Variants in RCAN1 observed in about 807,000 individuals in gnomAD.
RCAN1 encodes regulator of calcineurin 1, also known as calcipressin-1.
Under a neutral mutation model 22.9 loss-of-function variants are expected in RCAN1, and 11 were observed. That is an observed-to-expected ratio of 0.48 (90% CI 0.30 to 0.79). The LOEUF is 0.79. Among genes scored for constraint, RCAN1 ranks in the 30% least tolerant of loss-of-function variants. The pLI is 0.06. For synonymous variants in RCAN1, 136 were observed against 142.3 expected, an observed-to-expected ratio of 0.96 and a Z score of 0.32; for missense variants, 291 against 337.8, an observed-to-expected ratio of 0.86 and a Z score of 1.09.
Position 34,520,010 on chromosome 21 carries a change from T to A in RCAN1, c.586+1489A>T, listed in dbSNP as rs189453180. On this transcript the variant is annotated intron_variant, in intron 3 of 3. Coordinates refer to ENST00000313806, the MANE Select transcript of RCAN1 (RefSeq NM_004414.7). ...GTTAAGAGCCTCTTACAAATCTACC[T>A]CTTTGCAAGTCTCTTATCTACCTAC... Among the ~76,000 whole-genome samples, 23 of 152,234 alleles carry A rather than the reference T, an allele frequency of 1.5e-4. No homozygotes were observed. The East Asian group carries it at 1.9e-3, about 13-fold the overall frequency.
At chr21:34,568,316 C>A (rs77034962) in intron 1 of RCAN1, among the ~76,000 whole-genome samples, 3 of 152,316 alleles carry the variant, frequency 2.0e-5, no homozygotes, top group South Asian at 2.1e-4. Context: ...AAATCTCCCC[C>A]CTGCCTCCCA....
chr21:34,520,033 T>C (rs1476622717), intron 3 of RCAN1, among the ~76,000 whole-genome samples: 1 of 152,210 alleles, frequency 6.6e-6, no homozygotes, highest in Non-Finnish European at 1.5e-5. Flanking sequence ...CTTATCTACC[T>C]ACTAATCATC....
In RCAN1 at chr21:34,614,565, G is replaced by A. The variant is rs1206028638; in HGVS notation, c.252+195C>T. The A allele has an allele frequency of 1.7e-5, 17 of 995,816 alleles. No individual in the cohort carries two copies. The highest frequency in any genetic ancestry group is 1.8e-5 in the Non-Finnish European group (15 of 812,982). The allele number at this position is 995,816 out of a possible 1,614,324, so 61.7% of individuals were successfully genotyped here. A position where few individuals can be genotyped will look rare whatever the true frequency, so the allele number is the denominator to read the frequency against. ...GCAGTGAGCTCCGCGCGCCCCGGGG[G>A]TGCTAGGGGACCGGGACCCTCGGGG... On this transcript the variant is annotated intron_variant, in intron 1 of 3. Transcript: ENST00000313806. This position sits in a 1 kb window ranked among gnomAD's most constrained non-coding sequence, Gnocchi z 6.0.
chr21:34,528,943 G>A (rs1021422912), intron 1 of RCAN1, among the ~76,000 whole-genome samples: 2 of 142,778 alleles, frequency 1.4e-5, no homozygotes, highest in Admixed American at 6.9e-5. Flanking sequence ...TTTTGATTTC[G>A]TTATATGGAT....
chr21:34,565,462 G>A lies in RCAN1; in HGVS notation c.253-41752C>T, dbSNP rs1173458246. On this transcript the variant is annotated intron_variant, in intron 1 of 3. Transcript: ENST00000313806. ...GTGGCAATGTCACCTATCCTATCCC[G>A]TGCCCTCAAATGGGGGCTACTGCTC... Among the ~76,000 whole-genome samples the A allele has an allele frequency of 5.9e-5, 9 of 152,132 alleles. No homozygotes were observed. The South Asian group carries it at 8.3e-4, about 14-fold the overall frequency.
intron 1 of RCAN1, among the ~76,000 whole-genome samples, chr21:34,545,026 A>G (rs1283267517): frequency 6.6e-6 from 1 of 152,180 alleles, no homozygotes; most frequent in Non-Finnish European, 1.5e-5. Context: ...ACTCCTCACC[A>G]TCAGTGGAGC....
At chr21:34,555,498 A>G (rs8132113) in intron 1 of RCAN1, among the ~76,000 whole-genome samples, 65,667 of 150,922 alleles carry the variant, frequency 0.44, 14,851 homozygotes, top group Middle Eastern at 0.49. Flanking sequence ...GCTTGAGCCC[A>G]GGAGGTCAGC....
At chr21:34,585,373 T>C (rs940797755) in intron 1 of RCAN1, among the ~76,000 whole-genome samples, 12 of 152,322 alleles carry the variant, frequency 7.9e-5, no homozygotes, top group African/African-American at 2.6e-4. Flanking sequence ...TTTTGTAATA[T>C]CTAGAATAAC....
intron 1 of RCAN1, among the ~76,000 whole-genome samples, chr21:34,584,686 A>T (rs748983703): frequency 2.0e-5 from 3 of 152,238 alleles, no homozygotes; most frequent in Non-Finnish European, 4.4e-5. Flanking sequence ...AGAGGACGTC[A>T]GTCCAAAGGA....
rs1349261254 is a variant in RCAN1, at chr21:34,563,788, T to TAGAGAG, written c.253-40079_253-40078insCTCTCT. On this transcript the variant is annotated intron_variant, in intron 1 of 3. Coordinates refer to ENST00000313806, the MANE Select transcript of RCAN1 (RefSeq NM_004414.7). ...AAAAAAAAATATATATATATATATA[T>TAGAGAG]ATATATAGAGAGAGAGAGAGAGAGA... Among the ~76,000 whole-genome samples the TAGAGAG allele has an allele frequency of 1.2e-3, 113 of 94,072 alleles. 1 individual carries two copies. Among genetic ancestry groups the TAGAGAG allele is most frequent in the South Asian group, 3.7e-3 (9 of 2,416 alleles). The allele number at this position is 94,072 out of a possible 152,430, so 61.7% of individuals were successfully genotyped here.
chr21:34,614,634 G>A lies in RCAN1; in HGVS notation c.252+126C>T. The A allele has an allele frequency of 9.0e-7, 1 of 1,111,582 alleles. No homozygotes were observed. Among genetic ancestry groups the A allele is most frequent in the Non-Finnish European group, 1.1e-6 (1 of 901,626 alleles). The allele number at this position is 1,111,582 out of a possible 1,614,324, so 68.9% of individuals were successfully genotyped here. The stretch of plus-strand genomic sequence containing the variant: ...GCCCTGACGGGTCCGCGGCCGAGCA[G>A]CCCGGGGGACGTCGCTGCCTCCCCG... On this transcript the variant is annotated intron_variant, in intron 1 of 3. Transcript: ENST00000313806. The surrounding 1 kb of genome is among the most constrained non-coding windows in gnomAD (Gnocchi z 6.0).
intron 3 of RCAN1, chr21:34,521,001 G>C (rs914393620): frequency 1.0e-6 from 1 of 994,738 alleles, no homozygotes; most frequent in Non-Finnish European, 1.2e-6. Flanking sequence ...AGGGCAGCCC[G>C]ACCGCGGCCC....
intron 1 of RCAN1, among the ~76,000 whole-genome samples, chr21:34,548,424 AT>A (rs1220983883): frequency 2.0e-5 from 3 of 152,158 alleles, no homozygotes; most frequent in African/African-American, 7.2e-5. Context: ...GACATGTCTG[AT>A]TTCTGCAAAA....
intron 1 of RCAN1, chr21:34,613,869 C>G: frequency 7.1e-7 from 1 of 1,417,970 alleles, no homozygotes; most frequent in Non-Finnish European, 9.4e-7. Flanking sequence ...GGACCCACAG[C>G]CAAGCGCTGA....
At chr21:34,538,387 C>A (rs1601151680) in intron 1 of RCAN1, among the ~76,000 whole-genome samples, 1 of 152,164 alleles carries the variant, frequency 6.6e-6, no homozygotes, top group East Asian at 1.9e-4. Context: ...CCACCGTGGG[C>A]TCCTCCATCC....
intron 1 of RCAN1, among the ~76,000 whole-genome samples, chr21:34,608,565 C>G (rs1988601558): frequency 2.0e-5 from 3 of 152,200 alleles, no homozygotes; most frequent in Admixed American, 2.0e-4. Context: ...TTCAGTTCAG[C>G]CTTCAGATGA....
chr21:34,546,510 C>T (rs1009861240), intron 1 of RCAN1, among the ~76,000 whole-genome samples: 3 of 152,018 alleles, frequency 2.0e-5, no homozygotes, highest in Non-Finnish European at 2.9e-5. Flanking sequence ...TTAACAGGTA[C>T]ACAACTCCCC....
At chr21:34,533,061 C>T (rs1031859295) in intron 1 of RCAN1, among the ~76,000 whole-genome samples, 8 of 150,772 alleles carry the variant, frequency 5.3e-5, no homozygotes, top group East Asian at 1.9e-4. Context: ...CCCGGGTTCA[C>T]GCCATTCTCC....
Position 34,553,107 on chromosome 21 carries a change from A to G in RCAN1, c.253-29397T>C, listed in dbSNP as rs112251061. ...CCAGACAAGGGGTATGAGAAAAAGT[A>G]TTACAAACAAAAGAAACAGACAGAT... On this transcript the variant is annotated intron_variant, in intron 1 of 3. Transcript: ENST00000313806. Among the ~76,000 whole-genome samples the G allele has an allele frequency of 1.1e-4, 17 of 152,358 alleles. 1 individual carries two copies. The highest frequency in any genetic ancestry group is 3.8e-4 in the African/African-American group (16 of 41,592).
Sources: allele counts gnomAD v4.1 joint callset (sites outside exome capture counted in the v4.1 genomes callset), GRCh38; gene constraint gnomAD v4.1.1; non-coding constraint Gnocchi (gnomAD v3.1); transcripts MANE v1.5; gene names NCBI Gene and HGNC (gene_info 2026-07-23, HGNC 2026-07-21).